Variants in MYO1B observed in about 807,000 individuals in gnomAD.
The protein encoded by MYO1B is myosin IB.
A neutral mutation model predicts 159.7 loss-of-function variants in MYO1B; 72 were observed. That is an observed-to-expected ratio of 0.45 (90% confidence interval 0.37 to 0.55). MYO1B has a LOEUF of 0.55. Among genes scored for constraint, MYO1B ranks in the 20% least tolerant of loss-of-function variants. MYO1B has a pLI of 0.00. For missense variants in MYO1B, 1,062 were observed against 1,364.8 expected, an observed-to-expected ratio of 0.78 and a Z score of 3.50; for synonymous variants, 468 against 473.8, an observed-to-expected ratio of 0.99 and a Z score of 0.16.
chr2:191,305,344 A>G (rs948331733), intron 3 of MYO1B, among the ~76,000 whole-genome samples: 9 of 152,202 alleles, frequency 5.9e-5, no homozygotes, highest in African/African-American at 9.6e-5. Context: ...AAAGCCAGGG[A>G]TAATGAAAGT....
At chr2:191,319,199 G>A (rs1374742082) in intron 3 of MYO1B, among the ~76,000 whole-genome samples, 1 of 152,166 alleles carries the variant, frequency 6.6e-6, no homozygotes, top group African/African-American at 2.4e-5. Context: ...CTCAAATAAT[G>A]TGCAGAACAG....
chr2:191,395,816 G>A (rs1367610192), intron 20 of MYO1B, among the ~76,000 whole-genome samples: 1 of 152,174 alleles, frequency 6.6e-6, no homozygotes, highest in Non-Finnish European at 1.5e-5. Context: ...TTATACTGTT[G>A]ACCTGTGTTC....
At chr2:191,325,936 T>G (rs1574431601) in intron 3 of MYO1B, among the ~76,000 whole-genome samples, 1 of 152,180 alleles carries the variant, frequency 6.6e-6, no homozygotes, top group East Asian at 1.9e-4. Flanking sequence ...AGTTTGGCTC[T>G]CAAAGAACAG....
chr2:191,303,536 G>A (rs531996371), intron 3 of MYO1B, among the ~76,000 whole-genome samples: 1 of 152,264 alleles, frequency 6.6e-6, no homozygotes, highest in East Asian at 1.9e-4. Flanking sequence ...AGCTTACCCT[G>A]TGCCAGGCAG....
intron 1 of MYO1B, among the ~76,000 whole-genome samples, chr2:191,274,075 G>A (rs1190049427): frequency 6.6e-6 from 1 of 152,176 alleles, no homozygotes; most frequent in Non-Finnish European, 1.5e-5. Flanking sequence ...TTTTTACCTT[G>A]AGAATGAGGT....
At chr2:191,297,489 G>A (rs1005671368) in intron 3 of MYO1B, among the ~76,000 whole-genome samples, 4 of 152,124 alleles carry the variant, frequency 2.6e-5, no homozygotes, top group Non-Finnish European at 2.9e-5. Flanking sequence ...TATGTTGTTC[G>A]TTATTACCAC....
At position 191,424,183 on chromosome 2, in the gene MYO1B, A is replaced by G. The variant is rs146399276; in HGVS notation, c.*223A>G. 5.5e-4 allele frequency: 279 copies of G among 507,486 alleles called. 1 individual carries two copies. The highest frequency in any genetic ancestry group is 4.6e-3 in the African/African-American group (240 of 52,286). The allele number at this position is 507,486 out of a possible 1,614,324, so 31.4% of individuals were successfully genotyped here. A position where few individuals can be genotyped will look rare whatever the true frequency, so the allele number is the denominator to read the frequency against. On this transcript the variant is annotated 3_prime_UTR_variant, in exon 31 of 31. Coordinates refer to ENST00000392318, the MANE Select transcript of MYO1B (RefSeq NM_001130158.3). ...AGGATTGTAGAAACTAACAGTGTCT[A>G]TTTTCATGTCTGATGTGTTCTTCCT... is the stretch of plus-strand genomic sequence containing the variant.
At chr2:191,347,920 C>G (rs1166470326) in intron 6 of MYO1B, among the ~76,000 whole-genome samples, 1 of 152,190 alleles carries the variant, frequency 6.6e-6, no homozygotes, top group Admixed American at 6.5e-5. Flanking sequence ...TCCTTGACCT[C>G]TTCACTGAGT....
chr2:191,248,060 GT>G, intron 1 of MYO1B: 1 of 981,292 alleles, frequency 1.0e-6, no homozygotes, highest in Non-Finnish European at 1.2e-6. Context: ...TAGCATCCAT[GT>G]TTTTAGCATT....
chr2:191,278,434 A>G (rs1275581745), intron 2 of MYO1B, among the ~76,000 whole-genome samples: 8 of 152,246 alleles, frequency 5.3e-5, no homozygotes, highest in Non-Finnish European at 5.9e-5. Flanking sequence ...AGACCACAGC[A>G]CCAAACATGT....
chr2:191,318,017 T>A (rs1396030877), intron 3 of MYO1B, among the ~76,000 whole-genome samples: 1 of 152,184 alleles, frequency 6.6e-6, no homozygotes, highest in Non-Finnish European at 1.5e-5. Context: ...ACCAGTTTTT[T>A]TCTGAGCATA....
At chr2:191,264,777 C>G (rs1687026512) in intron 1 of MYO1B, among the ~76,000 whole-genome samples, 1 of 151,262 alleles carries the variant, frequency 6.6e-6, no homozygotes, top group South Asian at 2.1e-4. Flanking sequence ...TTAACATTCT[C>G]TATAACCAGA....
At chr2:191,411,598 T>C (rs1194871912) in intron 27 of MYO1B, among the ~76,000 whole-genome samples, 1 of 152,214 alleles carries the variant, frequency 6.6e-6, no homozygotes, top group Non-Finnish European at 1.5e-5. Flanking sequence ...ATTTGTAAGG[T>C]AAATGAAAGA....
chr2:191,265,087 G>A (rs2125701998), intron 1 of MYO1B, among the ~76,000 whole-genome samples: 1 of 152,080 alleles, frequency 6.6e-6, no homozygotes, highest in South Asian at 2.1e-4. Flanking sequence ...TTTCTGGAGG[G>A]ATAATTTTCT....
chr2:191,328,753 A>T (rs182935306), intron 3 of MYO1B, among the ~76,000 whole-genome samples: 3 of 152,134 alleles, frequency 2.0e-5, no homozygotes, highest in African/African-American at 7.2e-5. Context: ...CGAACTGCAC[A>T]TAATCCTTCA....
intron 2 of MYO1B, among the ~76,000 whole-genome samples, chr2:191,291,763 A>T (rs1383489026): frequency 6.6e-6 from 1 of 152,248 alleles, no homozygotes. Context: ...CATCTGATTC[A>T]CAAGTCCAAA....
rs182028267 is a variant in MYO1B, at chr2:191,424,897, A to G, written c.*937A>G. ...AGTAAAACATTCTGTATGATGTGCA[A>G]TAAAACATCCAAGATCTTTTTTGAA... On this transcript the variant is annotated 3_prime_UTR_variant, in exon 31 of 31. Coordinates refer to ENST00000392318, the MANE Select transcript of MYO1B (RefSeq NM_001130158.3). 2.0e-4 allele frequency: 31 copies of G among 152,732 alleles called. No individual in the cohort carries two copies. The highest frequency in any genetic ancestry group is 2.1e-4 in the South Asian group (1 of 4,826). The allele number at this position is 152,732 out of a possible 1,614,324, so 9.5% of individuals were successfully genotyped here. A position where few individuals can be genotyped will look rare whatever the true frequency, so the allele number is the denominator to read the frequency against.
intron 11 of MYO1B, among the ~76,000 whole-genome samples, chr2:191,365,304 A>G (rs1485713908): frequency 6.6e-6 from 1 of 152,188 alleles, no homozygotes; most frequent in Non-Finnish European, 1.5e-5. Context: ...AACTATCCAT[A>G]AAGCCTCCAT....
intron 3 of MYO1B, among the ~76,000 whole-genome samples, chr2:191,308,310 A>G (rs891763777): frequency 6.6e-6 from 1 of 152,240 alleles, no homozygotes; most frequent in Admixed American, 6.5e-5. Context: ...CATGTGTATT[A>G]TACATTGTTC....
Sources: gnomAD v4.1 joint callset for allele counts (sites outside exome capture counted in the v4.1 genomes callset) on GRCh38, gnomAD v4.1.1 for gene constraint, MANE v1.5 for transcripts, NCBI Gene and HGNC (gene_info 2026-07-23, HGNC 2026-07-21) for gene names.